The following PSMG2 variants were observed in gnomAD, a reference collection of about 807,000 sequenced individuals.
PSMG2 encodes the protein proteasome assembly chaperone 2, also known as CD40 ligand-activated specific transcript 3.
Under a neutral mutation model 31.5 loss-of-function variants are expected in PSMG2, and 21 were observed. That is an observed-to-expected ratio of 0.67 (90% CI 0.47 to 0.96). The LOEUF (loss-of-function observed/expected upper bound fraction) is 0.96, where lower values mean the gene tolerates loss of function less well. Ranked by LOEUF, PSMG2 falls within the 40% of genes least tolerant of loss-of-function variation. The pLI, the probability that PSMG2 is intolerant of heterozygous loss-of-function variation, is 0.00. For missense variants in PSMG2, 318 were observed against 321.2 expected, an observed-to-expected ratio of 0.99 and a Z score of 0.08; for synonymous variants, 120 against 110.4, an observed-to-expected ratio of 1.09 and a Z score of -0.54.
chr18:12,709,026 T>C (rs1017317106), intron 2 of PSMG2, among the ~76,000 whole-genome samples: 3 of 150,528 alleles, frequency 2.0e-5, no homozygotes, highest in African/African-American at 7.3e-5. Flanking sequence ...CCGTAAACTT[T>C]ATTTTATTTT....
chr18:12,672,781 C>A, intron 1 of PSMG2: 1 of 978,990 alleles, frequency 1.0e-6, no homozygotes, highest in Non-Finnish European at 1.2e-6. Context: ...AATATTTATG[C>A]TTTTCTGGTA....
chr18:12,712,048 T>C (rs912341226), intron 2 of PSMG2, among the ~76,000 whole-genome samples: 1 of 152,254 alleles, frequency 6.6e-6, no homozygotes, highest in East Asian at 1.9e-4. Context: ...TGAGCCACCA[T>C]GCCCAGCTGC....
chr18:12,711,429 A>T (rs188029994), intron 2 of PSMG2, among the ~76,000 whole-genome samples: 2 of 152,192 alleles, frequency 1.3e-5, no homozygotes, highest in Admixed American at 6.5e-5. Context: ...TTTGTCACAG[A>T]TAGGTTAGAG....
chr18:12,663,339 C>T (rs1371498192), intron 1 of PSMG2: 1 of 152,218 alleles, frequency 6.6e-6, no homozygotes, highest in African/African-American at 2.4e-5. Context: ...GTGGCATGAT[C>T]TCAGCTCACT....
intron 1 of PSMG2, among the ~76,000 whole-genome samples, chr18:12,704,554 A>C (rs2145130774): frequency 6.6e-6 from 1 of 152,278 alleles, no homozygotes. Flanking sequence ...GTGCCACTGC[A>C]CTCCAGCCTG....
intron 2 of PSMG2, among the ~76,000 whole-genome samples, chr18:12,707,647 A>G (rs1040596659): frequency 2.0e-5 from 3 of 152,220 alleles, no homozygotes; most frequent in African/African-American, 7.2e-5. Context: ...CAGGTGAGTA[A>G]GAGAAGAGCT....
intron 1 of PSMG2, among the ~76,000 whole-genome samples, chr18:12,674,050 G>T (rs1372395939): frequency 6.6e-6 from 1 of 151,932 alleles, no homozygotes; most frequent in African/African-American, 2.4e-5. Context: ...GACTATCTAG[G>T]GCTACATTTC....
chr18:12,674,193 T>G (rs2039035756), intron 1 of PSMG2, among the ~76,000 whole-genome samples: 1 of 151,816 alleles, frequency 6.6e-6, no homozygotes, highest in South Asian at 2.1e-4. Flanking sequence ...TCCCAGCAAT[T>G]TGGGAGGCTG....
intron 1 of PSMG2, among the ~76,000 whole-genome samples, chr18:12,678,754 G>T (rs908684176): frequency 1.1e-4 from 16 of 152,010 alleles, no homozygotes; most frequent in African/African-American, 3.9e-4. Context: ...TCAAGAGTTC[G>T]AGACTAACCT....
intron 1 of PSMG2, among the ~76,000 whole-genome samples, chr18:12,675,077 T>TAG (rs113084450): frequency 6.6e-6 from 1 of 151,516 alleles, no homozygotes; most frequent in Non-Finnish European, 1.5e-5. Flanking sequence ...GTATAATTCT[T>TAG]ATATTTTGAG....
At chr18:12,718,684 A>G in intron 4 of PSMG2, 49 bp downstream of exon 4, 5 of 1,322,324 alleles carry the variant, frequency 3.8e-6, no homozygotes, top group Non-Finnish European at 5.2e-6. Context: ...TTATACTATG[A>G]TAATTTCTCT....
intron 1 of PSMG2, among the ~76,000 whole-genome samples, chr18:12,706,315 C>T (rs1317290768): frequency 2.6e-5 from 4 of 152,082 alleles, no homozygotes; most frequent in Admixed American, 6.6e-5. Context: ...GGTGAAACTC[C>T]GTCTCTACTA....
At chr18:12,667,726 A>C (rs1391843014) in intron 1 of PSMG2, among the ~76,000 whole-genome samples, 1 of 148,386 alleles carries the variant, frequency 6.7e-6, no homozygotes, top group Non-Finnish European at 1.5e-5. Flanking sequence ...GTGCCACTGC[A>C]CTCCAGCCTG....
chr18:12,699,887 G>A (rs1404303228), upstream of PSMG2: 1 of 1,596,080 alleles, frequency 6.3e-7, no homozygotes, highest in East Asian at 2.3e-5. Flanking sequence ...GAGGAAGGGA[G>A]TTCTTGCTCA....
chr18:12,723,869 A>G lies in PSMG2; in HGVS notation c.582-630A>G, dbSNP rs542170333. Among the ~76,000 whole-genome samples the G allele has an allele frequency of 2.6e-5, 4 of 152,338 alleles. No homozygotes were observed. In the South Asian group the frequency reaches 6.2e-4, roughly 24 times the overall value. ...TTATAGATGAGGAACACCCCTGGTTAAGTAACTTGCCCAACATATCTGGTA... is the reference window on the plus strand; with the variant it reads ...TTATAGATGAGGAACACCCCTGGTTGAGTAACTTGCCCAACATATCTGGTA... On this transcript the variant is annotated intron_variant, in intron 5 of 6. Coordinates refer to ENST00000317615, the MANE Select transcript of PSMG2 (RefSeq NM_020232.5).
intron 1 of PSMG2, among the ~76,000 whole-genome samples, chr18:12,678,852 A>G (rs1021056530): frequency 3.9e-5 from 6 of 152,096 alleles, no homozygotes; most frequent in Non-Finnish European, 7.4e-5. Flanking sequence ...GCTACTCGGG[A>G]GGCTAAGCCA....
At chr18:12,702,749 C>A, upstream of PSMG2, 1 of 608,120 alleles carries the variant, frequency 1.6e-6, no homozygotes. Flanking sequence ...GCGGCGCCAA[C>A]TGTTTTCAAA....
intron 1 of PSMG2, chr18:12,695,388 A>G (rs374863406): frequency 3.1e-4 from 308 of 1,004,132 alleles, no homozygotes; most frequent in Non-Finnish European, 4.4e-4. Context: ...AGAGATTTCA[A>G]TACTATATAT....
intron 1 of PSMG2, among the ~76,000 whole-genome samples, chr18:12,675,772 G>A (rs948884392): frequency 6.6e-6 from 1 of 151,730 alleles, no homozygotes; most frequent in African/African-American, 2.4e-5. Context: ...AGGTTCAAGC[G>A]ATTCTCCTGC....
Sources: allele counts gnomAD v4.1 joint callset (sites outside exome capture counted in the v4.1 genomes callset), GRCh38; gene constraint gnomAD v4.1.1; transcripts MANE v1.5; gene names NCBI Gene and HGNC (gene_info 2026-07-23, HGNC 2026-07-21).